The following SRP14 variants were observed in gnomAD, a reference collection of about 807,000 sequenced individuals.
SRP14 encodes the protein signal recognition particle 14 kDa protein.
In SRP14, 1 loss-of-function variant was observed where a neutral mutation model predicts 16.0. The ratio of observed to expected loss-of-function variants is 0.06; its 90% CI spans 0.02 to 0.30. The LOEUF (loss-of-function observed/expected upper bound fraction) is 0.30. Ranked by LOEUF, SRP14 falls within the 10% of genes least tolerant of loss-of-function variation. The pLI is 1.00. For missense variants in SRP14, 120 were observed against 163.1 expected (o/e 0.74, Z 1.44); for synonymous variants, 67 against 60.1 (o/e 1.12, Z -0.53).
chr15:40,037,252 G>A, intron 3 of SRP14: 1 of 1,215,754 alleles, frequency 8.2e-7, no homozygotes, highest in Non-Finnish European at 1.0e-6. Context: ...TGCACCAAGA[G>A]GTGAAAGGCA....
In SRP14 at chr15:40,039,142, C is replaced by T. The variant is rs1399782313; in HGVS notation, c.-26G>A. ...CGCGGCGACGCTGGCTCGACTCCCT[C>T]CGCTTAAGCCCCTAGCAGTGAGAGC... On this transcript the variant is annotated 5_prime_UTR_variant, in exon 1 of 5. Transcript: ENST00000267884. The T allele has an allele frequency of 1.9e-6, 3 of 1,605,836 alleles. No individual in the cohort carries two copies. Among genetic ancestry groups the T allele is most frequent in the Admixed American group, 1.7e-5 (1 of 59,382 alleles).
In SRP14 at chr15:40,035,951, A is replaced by G. The variant is rs1660719649; in HGVS notation, c.*382T>C. On this transcript the variant is annotated 3_prime_UTR_variant, in exon 5 of 5. Coordinates refer to ENST00000267884, the MANE Select transcript of SRP14 (RefSeq NM_003134.6). ...ATAACCTAGAAGATATTATAGAGCTAAAGCCTATTCATTAATCACATCATT... is the reference window on the plus strand; with the variant it reads ...ATAACCTAGAAGATATTATAGAGCTGAAGCCTATTCATTAATCACATCATT... 1 of 190,842 alleles carries G rather than the reference A, an allele frequency of 5.2e-6. No individual in the cohort carries two copies. The highest frequency in any genetic ancestry group is 5.6e-5 in the Admixed American group (1 of 18,002). 11.8% of individuals were successfully genotyped at this position (190,842 alleles called of 1,614,324 possible). A position where few individuals can be genotyped will look rare whatever the true frequency, so the allele number is the denominator to read the frequency against.
intron 3 of SRP14, chr15:40,037,279 G>GAA (rs3215044): frequency 0.37 from 271,855 of 744,140 alleles, 13,414 homozygotes; most frequent in Non-Finnish European, 0.39. Flanking sequence ...TCCTTTTGGG[G>GAA]AAAAAAAAAA....
chr15:40,038,468 G>C, intron 2 of SRP14, 74 bp from the exon 3 acceptor site: 4 of 1,043,656 alleles, frequency 3.8e-6, no homozygotes, highest in Non-Finnish European at 6.0e-6. Context: ...TTAAAACAGA[G>C]GAGTGGGGTA....
intron 2 of SRP14, 50 bp downstream of exon 2, chr15:40,038,826 A>C (rs2035673158): frequency 1.3e-6 from 2 of 1,592,608 alleles, no homozygotes. Context: ...GGTGGCTCCC[A>C]GACACCGGGA....
At chr15:40,038,737 C>T (rs975193966) in intron 2 of SRP14, 139 bp downstream of exon 2, 24 of 902,032 alleles carry the variant, frequency 2.7e-5, no homozygotes, top group Non-Finnish European at 3.7e-5. Context: ...TACTATTTTC[C>T]GGGCCCGAAG....
rs748304386 is a variant in SRP14, at chr15:40,038,952, G to A, written c.25-4C>T. ...GTCTGGTCAGCTCCGTCAGGAACTGGAAAACAACAGGCCCAGCCCCGTTAG... is the reference window on the plus strand; with the variant it reads ...GTCTGGTCAGCTCCGTCAGGAACTGAAAAACAACAGGCCCAGCCCCGTTAG... On this transcript the variant is annotated splice_polypyrimidine_tract_variant and splice_region_variant and intron_variant, in intron 1 of 4. Transcript: ENST00000267884. 1.2e-6 allele frequency: 2 copies of A among 1,611,604 alleles called. No individual in the cohort carries two copies. The highest frequency in any genetic ancestry group is 1.7e-6 in the Non-Finnish European group (2 of 1,179,008).
intron 3 of SRP14, chr15:40,037,343 T>G: frequency 7.7e-7 from 1 of 1,304,092 alleles, no homozygotes; most frequent in Non-Finnish European, 9.9e-7. Context: ...GCATTGGGTT[T>G]TCTCCCTGGG....
Position 40,039,095 on chromosome 15 carries a change from G to T in SRP14, c.22C>A (p.Gln8Lys), listed in dbSNP as rs2035679274. Residue 8 changes from glutamine to lysine, a missense_variant and splice_region_variant, in exon 1 of 5, where the codon CAG becomes AAG. Around this residue, in one of 3 missense-constraint regions of SRP14, gnomAD observed 33 missense variants for 33.0 expected, o/e 1.00. Transcript: ENST00000267884. ...CGGCCGGCCAGGCCTAGCCATACCT[G>T]CTCGCTCTCCAACAACACCATCGCG... MVLLESE[Q>K]FLTELTRLFQ... The T allele has an allele frequency of 6.2e-7, 1 of 1,612,624 alleles. No individual in the cohort carries two copies. Among genetic ancestry groups the T allele is most frequent in the Non-Finnish European group, 8.5e-7 (1 of 1,179,652 alleles).
intron 3 of SRP14, chr15:40,037,489 C>A: frequency 2.2e-6 from 1 of 464,854 alleles, no homozygotes. Flanking sequence ...ACAATGCGAG[C>A]TACCACAAAA....
rs2035664714 is a variant in SRP14 at position 40,038,406 on chromosome 15, A to C, written c.98-12T>G. 6.3e-7 allele frequency: 1 copy of C among 1,584,618 alleles called. No homozygotes were observed. Among genetic ancestry groups the C allele is most frequent in the African/African-American group, 1.3e-5 (1 of 74,300 alleles). On this transcript the variant is annotated splice_polypyrimidine_tract_variant and intron_variant, in intron 2 of 4. Transcript: ENST00000267884. ...GGTTCGACCGTCATCTGAAGGAAAAAATGCATCCTGGTGAACACGGCCGCG... is the reference window on the plus strand; with the variant it reads ...GGTTCGACCGTCATCTGAAGGAAAACATGCATCCTGGTGAACACGGCCGCG...
At chr15:40,037,422 ACTCC>A in intron 3 of SRP14, 2 of 1,032,428 alleles carry the variant, frequency 1.9e-6, no homozygotes, top group South Asian at 1.7e-5. Flanking sequence ...TATTTAAACT[ACTCC>A]CTCCCCATCT....
intron 2 of SRP14, 110 bp downstream of exon 2, chr15:40,038,766 C>G: frequency 8.4e-7 from 1 of 1,190,790 alleles, no homozygotes; most frequent in Admixed American, 1.9e-5. Context: ...GTGCTCAGTA[C>G]AGGGTGGGGA....
chr15:40,037,438 A>AT, intron 3 of SRP14: 1 of 947,804 alleles, frequency 1.1e-6, no homozygotes, highest in Non-Finnish European at 1.4e-6. Flanking sequence ...TCCCCATCTT[A>AT]TTTTTAAACC....
chr15:40,036,696 T>C (rs765244401), intron 4 of SRP14, 196 bp from the exon 5 acceptor site: 48 of 682,984 alleles, frequency 7.0e-5, no homozygotes, highest in African/African-American at 3.9e-4. Context: ...CCACAGACAG[T>C]TGCACACATT....
intron 4 of SRP14, 125 bp from the exon 5 acceptor site, chr15:40,036,625 T>C: frequency 1.1e-6 from 1 of 931,956 alleles, no homozygotes; most frequent in Admixed American, 2.2e-5. Flanking sequence ...ATTGGACACT[T>C]GTACCGGAAA....
chr15:40,038,584 A>G (rs1442254271), intron 2 of SRP14, 190 bp from the exon 3 acceptor site: 4 of 609,854 alleles, frequency 6.6e-6, no homozygotes, highest in African/African-American at 1.9e-5. Context: ...CGACGGAAAC[A>G]TGTAATATCG....
chr15:40,036,795 C>T (rs2035630558), intron 4 of SRP14, 191 bp downstream of exon 4: 3 of 692,106 alleles, frequency 4.3e-6, no homozygotes, highest in East Asian at 5.4e-5. Context: ...AAGACAAAAT[C>T]TAACTTAAAA....
rs759862133 is a variant in SRP14 at position 40,039,094 on chromosome 15, T to C, written c.23A>G (p.Gln8Arg). 3 of 1,612,738 alleles carry C rather than the reference T, an allele frequency of 1.9e-6. No homozygotes were observed. Among genetic ancestry groups the C allele is most frequent in the East Asian group, 2.2e-5 (1 of 44,842 alleles). ...TCGGCCGGCCAGGCCTAGCCATACC[T>C]GCTCGCTCTCCAACAACACCATCGC... MVLLESE[Q>R]FLTELTRLFQ... Residue 8 changes from glutamine to arginine, a missense_variant and splice_region_variant, in exon 1 of 5, where the codon CAG becomes CGG. Transcript: ENST00000267884.
Sources: gnomAD v4.1 joint callset for allele counts on GRCh38, gnomAD v4.1.1 for gene constraint, gnomAD v4.1.1 regional missense constraint, MANE v1.5 for transcripts, NCBI Gene and HGNC (gene_info 2026-07-23, HGNC 2026-07-21) for gene names.